Variants in NLN observed in about 807,000 individuals in gnomAD.
NLN encodes neurolysin.
NLN carries 64 observed loss-of-function variants against 79.9 expected under a neutral mutation model. That is an observed-to-expected ratio of 0.80 (90% confidence interval 0.65 to 0.99). The LOEUF is 0.99. Among genes scored for constraint, NLN ranks in the 50% least tolerant of loss-of-function variants. NLN has a pLI of 0.00. For missense variants in NLN, 835 were observed against 858.7 expected (o/e 0.97, Z 0.34); for synonymous variants, 267 against 296.6 (o/e 0.90, Z 1.02).
intron 1 of NLN, 98 bp from the exon 2 acceptor site, chr5:65,758,469 C>A: frequency 3.7e-6 from 3 of 804,530 alleles, no homozygotes; most frequent in South Asian, 2.2e-5. Flanking sequence ...TAAAAAGGTT[C>A]TTTTTAATTT....
At chr5:65,798,641 C>T (rs566971818) in intron 9 of NLN, among the ~76,000 whole-genome samples, 29 of 152,312 alleles carry the variant, frequency 1.9e-4, no homozygotes, top group African/African-American at 6.5e-4. Context: ...GTGACTTTAA[C>T]ATCAGATGTA....
chr5:65,746,511 T>C (rs1368982023), intron 1 of NLN, among the ~76,000 whole-genome samples: 3 of 151,940 alleles, frequency 2.0e-5, no homozygotes, highest in Non-Finnish European at 4.4e-5. Flanking sequence ...GGGTGAAGAG[T>C]GTTTGGGACA....
intron 1 of NLN, among the ~76,000 whole-genome samples, chr5:65,752,142 G>A (rs1759115509): frequency 6.6e-6 from 1 of 151,984 alleles, no homozygotes; most frequent in Admixed American, 6.6e-5. Context: ...GAAGGTTCAG[G>A]TAAGAGGATC....
At chr5:65,788,042 T>G (rs1039273138) in intron 7 of NLN, 76 bp from the exon 8 acceptor site, 2 of 1,450,798 alleles carry the variant, frequency 1.4e-6, no homozygotes, top group African/African-American at 2.8e-5. Context: ...AGCACCATGC[T>G]AAAACACAGG....
chr5:65,774,961 G>A (rs1427103509), intron 3 of NLN, among the ~76,000 whole-genome samples: 1 of 151,956 alleles, frequency 6.6e-6, no homozygotes, highest in Non-Finnish European at 1.5e-5. Context: ...CTCACCTCAA[G>A]TAATCCGTCC....
intron 11 of NLN, 96 bp from the exon 12 acceptor site, chr5:65,812,159 C>G: frequency 1.0e-6 from 1 of 974,562 alleles, no homozygotes; most frequent in South Asian, 1.3e-5. Flanking sequence ...TTCTCTCCTC[C>G]CACAGCTGGC....
intron 8 of NLN, among the ~76,000 whole-genome samples, chr5:65,790,379 G>A (rs1760028657): frequency 6.6e-6 from 1 of 152,194 alleles, no homozygotes; most frequent in African/African-American, 2.4e-5. Flanking sequence ...CTGAGACTGG[G>A]TAATTTATAA....
chr5:65,828,652 T>C lies in NLN; in HGVS notation c.*5737T>C, dbSNP rs1040475125. On this transcript the variant is annotated 3_prime_UTR_variant, in exon 13 of 13. Transcript: ENST00000380985. ...AGCTGTTTCTAATACTTTTTGTTGG[T>C]TAAAAATACATTCCGCTGCTGTGGA... is the stretch of plus-strand genomic sequence containing the variant. 1.3e-5 allele frequency: 2 copies of C among 152,200 alleles called. No individual in the cohort carries two copies. The highest frequency in any genetic ancestry group is 4.8e-5 in the African/African-American group (2 of 41,454). 9.4% of individuals were successfully genotyped at this position (152,200 alleles called of 1,614,324 possible). A position where few individuals can be genotyped will look rare whatever the true frequency, so the allele number is the denominator to read the frequency against.
At chr5:65,779,954 TA>T (rs1759761969) in intron 4 of NLN, 2 of 358,328 alleles carry the variant, frequency 5.6e-6, no homozygotes, top group Non-Finnish European at 1.0e-5. Flanking sequence ...GCCTCCTGAG[TA>T]GCTGGGATTA....
intron 11 of NLN, 23 bp downstream of exon 11, chr5:65,810,188 G>A (rs149634188): frequency 1.2e-6 from 2 of 1,609,882 alleles, no homozygotes; most frequent in South Asian, 1.1e-5. Context: ...TATGAATTGA[G>A]TTCATTTCTC....
intron 9 of NLN, among the ~76,000 whole-genome samples, chr5:65,795,818 A>T (rs950688566): frequency 1.3e-5 from 2 of 152,202 alleles, no homozygotes; most frequent in Non-Finnish European, 2.9e-5. Flanking sequence ...GTTTACATTT[A>T]AAAAAATTTT....
chr5:65,760,351 C>G (rs1759312249), intron 2 of NLN, among the ~76,000 whole-genome samples: 2 of 152,196 alleles, frequency 1.3e-5, no homozygotes, highest in South Asian at 2.1e-4. Flanking sequence ...ATAAAAAGAT[C>G]TGGTTGTCTT....
At chr5:65,751,397 C>G (rs191593583) in intron 1 of NLN, among the ~76,000 whole-genome samples, 1 of 152,208 alleles carries the variant, frequency 6.6e-6, no homozygotes, top group Non-Finnish European at 1.5e-5. Flanking sequence ...CATATTTGTC[C>G]CATCTTGTTT....
intron 1 of NLN, among the ~76,000 whole-genome samples, chr5:65,748,249 G>A (rs561566063): frequency 3.9e-4 from 59 of 152,256 alleles, no homozygotes; most frequent in South Asian, 4.1e-4. Context: ...GGGTTGAGCT[G>A]TGGGAGAAGT....
chr5:65,804,875 G>A (rs1760375608), intron 9 of NLN, among the ~76,000 whole-genome samples: 1 of 152,140 alleles, frequency 6.6e-6, no homozygotes, highest in East Asian at 1.9e-4. Flanking sequence ...TCTGTGATCA[G>A]TGATTTCCTT....
chr5:65,802,145 G>C (rs1167029347), intron 9 of NLN, among the ~76,000 whole-genome samples: 1 of 152,180 alleles, frequency 6.6e-6, no homozygotes, highest in Non-Finnish European at 1.5e-5. Flanking sequence ...TTTTGCTTGG[G>C]CCCACTGGGC....
chr5:65,823,212 TATG>T lies in NLN; in HGVS notation c.*300_*302del, dbSNP rs1760839084. ...TTTTTTACTATTATAATCTAGATAA[TATG>T]ATATAAGAGGGCTAAGAATTTTTAA... On this transcript the variant is annotated 3_prime_UTR_variant, in exon 13 of 13. Transcript: ENST00000380985. 3.9e-6 allele frequency: 1 copy of T among 256,960 alleles called. No individual in the cohort carries two copies. The highest frequency in any genetic ancestry group is 7.5e-6 in the Non-Finnish European group (1 of 133,804). The allele number at this position is 256,960 out of a possible 1,614,324, so 15.9% of individuals were successfully genotyped here. A position where few individuals can be genotyped will look rare whatever the true frequency, so the allele number is the denominator to read the frequency against.
chr5:65,814,066 TG>T (rs1367152130), intron 12 of NLN, among the ~76,000 whole-genome samples: 1 of 152,022 alleles, frequency 6.6e-6, no homozygotes, highest in Non-Finnish European at 1.5e-5. Context: ...TTTGCTGTCT[TG>T]GAAAAAAAAC....
At chr5:65,777,722 G>A (rs184540105) in intron 4 of NLN, among the ~76,000 whole-genome samples, 188 bp downstream of exon 4, 9 of 152,212 alleles carry the variant, frequency 5.9e-5, no homozygotes, top group Admixed American at 3.9e-4. Flanking sequence ...TGCTCTACTG[G>A]TAATAATGGG....
Sources: allele counts gnomAD v4.1 joint callset (sites outside exome capture counted in the v4.1 genomes callset), GRCh38; gene constraint gnomAD v4.1.1; transcripts MANE v1.5; gene names NCBI Gene and HGNC (gene_info 2026-07-23, HGNC 2026-07-21).